The following DCBLD1 variants were observed in gnomAD, a reference collection of about 807,000 sequenced individuals.
DCBLD1 encodes the protein discoidin, CUB and LCCL domain containing 1, also known as discoidin, CUB and LCCL domain-containing protein 1.
A neutral mutation model predicts 71.5 loss-of-function variants in DCBLD1; 57 were observed. That is an observed-to-expected ratio of 0.80 (90% CI 0.64 to 0.99). DCBLD1 has a LOEUF of 0.99. DCBLD1 is among the 50% of genes least tolerant of loss of function. The probability of loss-of-function intolerance (pLI) is 0.00; values close to 1 mark genes in which losing one functional copy is unlikely to be tolerated. For missense variants in DCBLD1, 891 were observed against 923.5 expected (o/e 0.96, Z 0.46); for synonymous variants, 380 against 363.8 (o/e 1.04, Z -0.51).
Position 117,532,207 on chromosome 6 carries a change from A to G in DCBLD1, c.586-53A>G, listed in dbSNP as rs1778745952. 7 of 1,532,896 alleles carry G rather than the reference A, an allele frequency of 4.6e-6. 1 individual carries two copies. In the South Asian group the frequency reaches 7.9e-5, roughly 17 times the overall value. 95.0% of individuals were successfully genotyped at this position (1,532,896 alleles called of 1,614,324 possible). ...AGAAACAAAATAGAAAACTCCAACT[A>G]TATTTTAACTGTGTTCTTTTAAGTT... On this transcript the variant is annotated intron_variant, in intron 5 of 14. Coordinates refer to ENST00000338728, the MANE Select transcript of DCBLD1 (RefSeq NM_001366458.2).
downstream of DCBLD1, among the ~76,000 whole-genome samples, chr6:117,554,239 A>C (rs970606029): frequency 7.2e-5 from 11 of 152,320 alleles, no homozygotes; most frequent in Admixed American, 5.2e-4. Flanking sequence ...TTATGTGTAC[A>C]TTTAATTCTA....
chr6:117,535,671 T>G lies in DCBLD1; in HGVS notation c.720-1514T>G, dbSNP rs138380291. Among the ~76,000 whole-genome samples the G allele has an allele frequency of 7.1e-3, 1,081 of 152,240 alleles. 8 individuals are homozygous for G. Among genetic ancestry groups the G allele is most frequent in the Non-Finnish European group, 8.0e-3 (545 of 68,004 alleles). ...CATACTTTTTGGTCAACAACAAAATTAATGTTTCATGGCAAGTGAGCTTAG... is the reference window on the plus strand; with the variant it reads ...CATACTTTTTGGTCAACAACAAAATGAATGTTTCATGGCAAGTGAGCTTAG... On this transcript the variant is annotated intron_variant, in intron 6 of 14. Coordinates refer to ENST00000338728, the MANE Select transcript of DCBLD1 (RefSeq NM_001366458.2).
intron 1 of DCBLD1, among the ~76,000 whole-genome samples, chr6:117,486,427 T>G (rs536153505): frequency 6.6e-6 from 1 of 152,238 alleles, no homozygotes; most frequent in Admixed American, 6.5e-5. Flanking sequence ...ATCTTAGTAT[T>G]CATTACTGTT....
Position 117,540,938 on chromosome 6 carries a change from C to G in DCBLD1, c.1270C>G (p.Arg424Gly). 6.2e-7 allele frequency: 1 copy of G among 1,614,038 alleles called. No homozygotes were observed. The highest frequency in any genetic ancestry group is 8.5e-7 in the Non-Finnish European group (1 of 1,180,012). Residue 424 changes from arginine to glycine, a missense_variant, in exon 11 of 15, where the codon CGC becomes GGC. Arg to Gly is a moderately radical substitution (Grantham distance 125, BLOSUM62 -2). Transcript: ENST00000338728. The stretch of plus-strand genomic sequence containing the variant: ...CTCAGGTAATGATTCATTGGTGTGG[C>G]GCAAGACAAGTCAAAGCACCAGTGT... The part of the protein sequence containing the change: ...ITQGNDSLVW[R>G]KTSQSTSVST...
intron 1 of DCBLD1, among the ~76,000 whole-genome samples, chr6:117,496,189 G>C (rs1777463923): frequency 6.6e-6 from 1 of 151,962 alleles, no homozygotes; most frequent in Admixed American, 6.5e-5. Context: ...GAAAGAGATT[G>C]TCAGTTTTAT....
At chr6:117,543,233 AAATTTCTTCT>A (rs773827660) in intron 12 of DCBLD1, 22 bp downstream of exon 12, 5 of 1,607,458 alleles carry the variant, frequency 3.1e-6, no homozygotes, top group Non-Finnish European at 4.3e-6. Context: ...TTACATGTTT[AAATTTCTTCT>A]CTAATTATGC....
chr6:117,493,172 G>A (rs1777352398), intron 1 of DCBLD1, among the ~76,000 whole-genome samples: 1 of 152,080 alleles, frequency 6.6e-6, no homozygotes, highest in African/African-American at 2.4e-5. Flanking sequence ...CTCTTAATAA[G>A]GAGGGCTTTT....
intron 5 of DCBLD1, among the ~76,000 whole-genome samples, chr6:117,526,801 CATA>C (rs974129654): frequency 2.0e-5 from 3 of 152,320 alleles, no homozygotes; most frequent in South Asian, 4.2e-4. Context: ...TTTATTGCTG[CATA>C]ATAATATTAC....
chr6:117,506,948 C>T (rs535149704), intron 2 of DCBLD1, among the ~76,000 whole-genome samples: 28 of 152,314 alleles, frequency 1.8e-4, no homozygotes, highest in African/African-American at 5.8e-4. Flanking sequence ...ACAGAAGAAT[C>T]GTTTTAGTTT....
chr6:117,548,488 A>T lies in DCBLD1; in HGVS notation c.*49A>T. 1 of 1,545,820 alleles carries T rather than the reference A, an allele frequency of 6.5e-7. No individual in the cohort carries two copies. Among genetic ancestry groups the T allele is most frequent in the Non-Finnish European group, 8.7e-7 (1 of 1,146,244 alleles). On this transcript the variant is annotated 3_prime_UTR_variant, in exon 15 of 15. Transcript: ENST00000338728. ...GTGGTACTGAGCGTCGGGCTGTCAC[A>T]AGGCACTGGAAGAAGGGAGCCTGCT...
intron 8 of DCBLD1, 91 bp downstream of exon 8, chr6:117,538,926 T>C: frequency 7.7e-7 from 1 of 1,306,772 alleles, no homozygotes; most frequent in Non-Finnish European, 1.1e-6. Context: ...TTTACATAGG[T>C]GCTTCTCTAC....
intron 1 of DCBLD1, among the ~76,000 whole-genome samples, chr6:117,501,830 C>T (rs4946260): frequency 0.6 from 91,200 of 152,024 alleles, 29,252 homozygotes; most frequent in African/African-American, 0.85. Context: ...GGAATTTAGC[C>T]GTCACCTCAA....
chr6:117,544,622 G>A (rs780006223), intron 13 of DCBLD1, 45 bp downstream of exon 13: 2 of 1,607,844 alleles, frequency 1.2e-6, no homozygotes, highest in East Asian at 2.2e-5. Context: ...CTTTGAGGAA[G>A]GGACAGGATC....
intron 3 of DCBLD1, among the ~76,000 whole-genome samples, chr6:117,520,533 A>G (rs1157562793): frequency 9.9e-5 from 15 of 152,180 alleles, no homozygotes; most frequent in African/African-American, 3.6e-4. Flanking sequence ...CCCCTCCGCA[A>G]CACACGCCAG....
At chr6:117,539,547 T>C in intron 9 of DCBLD1, 168 bp downstream of exon 9, 1 of 705,922 alleles carries the variant, frequency 1.4e-6, no homozygotes, top group Non-Finnish European at 2.1e-6. Context: ...AGGAGGATCA[T>C]TTGAGACCAT....
intron 6 of DCBLD1, among the ~76,000 whole-genome samples, chr6:117,535,915 A>G (rs1436056344): frequency 1.3e-5 from 2 of 152,128 alleles, no homozygotes; most frequent in African/African-American, 4.8e-5. Flanking sequence ...CCAGGACCCA[A>G]GTGGGTCTGA....
intron 6 of DCBLD1, 129 bp downstream of exon 6, chr6:117,532,522 A>G (rs1288984165): frequency 1.7e-6 from 2 of 1,203,372 alleles, no homozygotes; most frequent in Non-Finnish European, 2.3e-6. Flanking sequence ...AAAAATATGC[A>G]TGAGTGCTTA....
intron 2 of DCBLD1, among the ~76,000 whole-genome samples, chr6:117,513,534 T>A (rs1247297186): frequency 6.6e-6 from 1 of 152,224 alleles, no homozygotes; most frequent in Non-Finnish European, 1.5e-5. Context: ...CCTACTTGAT[T>A]AACTGCTGCA....
rs200142900 is a variant in DCBLD1 at position 117,540,639 on chromosome 6, C to T, written c.1102-29C>T. The T allele has an allele frequency of 1.8e-4, 296 of 1,613,574 alleles. 1 individual carries two copies. The highest frequency in any genetic ancestry group is 6.6e-4 in the Middle Eastern group (4 of 6,060). Reference sequence around the variant, plus strand: ...ACACCTAAAAACTCACTAATAGAATCTTAAGGTAAACATAATTTCCTTCTA... The same window carrying T: ...ACACCTAAAAACTCACTAATAGAATTTTAAGGTAAACATAATTTCCTTCTA... On this transcript the variant is annotated intron_variant, in intron 9 of 14. Transcript: ENST00000338728.
Sources: gnomAD v4.1 joint callset for allele counts (sites outside exome capture counted in the v4.1 genomes callset) on GRCh38, gnomAD v4.1.1 for gene constraint, MANE v1.5 for transcripts, NCBI Gene and HGNC (gene_info 2026-07-23, HGNC 2026-07-21) for gene names.